The following EPM2A variants were observed in gnomAD, a reference collection of about 807,000 sequenced individuals.
EPM2A encodes the protein EPM2A glucan phosphatase, laforin, also known as laforin.
Under a neutral mutation model 26.5 loss-of-function variants are expected in EPM2A, and 21 were observed. The ratio of observed to expected loss-of-function variants is 0.79; its 90% CI spans 0.56 to 1.14. The LOEUF is 1.14. Among genes scored for constraint, EPM2A ranks in the 50% most tolerant of loss-of-function variants. The probability of loss-of-function intolerance (pLI) is 0.00; values close to 1 mark genes in which losing one functional copy is unlikely to be tolerated. For missense variants in EPM2A, 458 were observed against 440.8 expected (o/e 1.04, Z -0.35); for synonymous variants, 217 against 177.6 (o/e 1.22, Z -1.76).
intron 2 of EPM2A, among the ~76,000 whole-genome samples, chr6:145,563,249 C>A (rs1398020058): frequency 1.1e-4 from 16 of 151,366 alleles, no homozygotes; most frequent in Non-Finnish European, 1.5e-5. Flanking sequence ...AGGAGTGGGA[C>A]TTGAAGCTGT....
chr6:145,392,137 T>G (rs1480378670), intron 4 of EPM2A, among the ~76,000 whole-genome samples: 1 of 152,218 alleles, frequency 6.6e-6, no homozygotes, highest in Non-Finnish European at 1.5e-5. Flanking sequence ...AAAGCTTTGT[T>G]GGTCACAATG....
chr6:145,543,803 C>T (rs80220857), intron 2 of EPM2A, among the ~76,000 whole-genome samples: 12,177 of 151,996 alleles, frequency 0.08, 575 homozygotes, highest in East Asian at 0.17. Context: ...GGCCATTTTC[C>T]CCCTAGATTT....
At chr6:145,533,691 A>G (rs1289824083) in intron 2 of EPM2A, among the ~76,000 whole-genome samples, 1 of 152,122 alleles carries the variant, frequency 6.6e-6, no homozygotes, top group African/African-American at 2.4e-5. Context: ...ATCAGGTGTT[A>G]GTTCAAATGT....
chr6:145,490,088 AC>A, intron 4 of EPM2A: 4 of 1,281,688 alleles, frequency 3.1e-6, no homozygotes, highest in Non-Finnish European at 4.4e-6. Context: ...TAGCACACGC[AC>A]CTTCCCAATT....
In EPM2A at chr6:145,605,444, T is replaced by C. The variant is rs145483494; in HGVS notation, c.340+29801A>G. On this transcript the variant is annotated intron_variant, in intron 2 of 3. Coordinates refer to the EPM2A transcript ENST00000450221. ...CTGATGCTATAACACAACAGTGTAC[T>C]TCCAAGCTTAGGCTGTTCCATTATC... is the stretch of plus-strand genomic sequence containing the variant. Among the ~76,000 whole-genome samples, 654 of 152,274 alleles carry C rather than the reference T, an allele frequency of 4.3e-3. 5 individuals are homozygous for C. The highest frequency in any genetic ancestry group is 0.014 in the African/African-American group (565 of 41,568).
intron 1 of EPM2A, among the ~76,000 whole-genome samples, chr6:145,719,487 GGGGA>G (rs1775832396): frequency 1.4e-5 from 2 of 140,856 alleles, no homozygotes; most frequent in Admixed American, 7.1e-5. Flanking sequence ...TTGGGGGAGG[GGGGA>G]GGGATAGCAT....
chr6:145,558,551 G>A (rs1014107132), intron 2 of EPM2A, among the ~76,000 whole-genome samples: 2 of 152,026 alleles, frequency 1.3e-5, no homozygotes, highest in Non-Finnish European at 2.9e-5. Context: ...AACCAACAGT[G>A]TACAAGGGTT....
intron 3 of EPM2A, among the ~76,000 whole-genome samples, chr6:145,633,155 G>A (rs1357041837): frequency 1.3e-5 from 2 of 152,172 alleles, no homozygotes; most frequent in Non-Finnish European, 2.9e-5. Context: ...GGTAATCAGT[G>A]TGTGGGTTGG....
intron 4 of EPM2A, among the ~76,000 whole-genome samples, chr6:145,417,399 T>A (rs1778723392): frequency 6.6e-6 from 1 of 152,210 alleles, no homozygotes; most frequent in African/African-American, 2.4e-5. Context: ...GCAGTTGGTT[T>A]GTCACTTTTC....
In EPM2A at chr6:145,705,782, A is replaced by C. The variant is rs570449060; in HGVS notation, c.302-19486T>G. 825 of 437,426 alleles carry C rather than the reference A, an allele frequency of 1.9e-3. 7 individuals carry two copies. The highest frequency in any genetic ancestry group is 0.015 in the African/African-American group (739 of 49,576). 27.1% of individuals were successfully genotyped at this position (437,426 alleles called of 1,614,324 possible). On this transcript the variant is annotated intron_variant, in intron 1 of 3. Coordinates refer to ENST00000367519, the MANE Select transcript of EPM2A (RefSeq NM_005670.4). ...CCTCTCATATTTTACTGGCCAAAGC[A>C]AGCCACATAACAAAGATATACTTCT...
At chr6:145,576,126 G>A (rs1781027808) in intron 2 of EPM2A, among the ~76,000 whole-genome samples, 1 of 152,194 alleles carries the variant, frequency 6.6e-6, no homozygotes, top group African/African-American at 2.4e-5. Context: ...GTGAGCCACT[G>A]CGACCAGCCT....
At chr6:145,483,968 T>C (rs1173169070) in intron 4 of EPM2A, among the ~76,000 whole-genome samples, 1 of 152,166 alleles carries the variant, frequency 6.6e-6, no homozygotes, top group Non-Finnish European at 1.5e-5. Flanking sequence ...ATCTAACAAA[T>C]ATATCTTTCT....
chr6:145,676,526 G>A (rs1214650408), intron 2 of EPM2A, among the ~76,000 whole-genome samples: 1 of 151,912 alleles, frequency 6.6e-6, no homozygotes, highest in African/African-American at 2.4e-5. Flanking sequence ...TTGATAGGCT[G>A]CTAGCAAGAC....
At chr6:145,465,116 C>G (rs1358193281) in intron 4 of EPM2A, among the ~76,000 whole-genome samples, 4 of 152,036 alleles carry the variant, frequency 2.6e-5, no homozygotes, top group Non-Finnish European at 5.9e-5. Flanking sequence ...GTACACCAAT[C>G]AGACGTAGAT....
intron 2 of EPM2A, among the ~76,000 whole-genome samples, chr6:145,608,796 C>T (rs1775326055): frequency 6.6e-6 from 1 of 152,152 alleles, no homozygotes; most frequent in African/African-American, 2.4e-5. Context: ...CATCTAAGAG[C>T]CAGCTCCCAT....
intron 4 of EPM2A, among the ~76,000 whole-genome samples, chr6:145,442,516 T>C (rs1779077919): frequency 6.6e-6 from 1 of 151,548 alleles, no homozygotes; most frequent in Non-Finnish European, 1.5e-5. Context: ...AACCACCAGA[T>C]CTTGTGAGAC....
At chr6:145,731,031 A>C (rs1776457833) in intron 1 of EPM2A, among the ~76,000 whole-genome samples, 1 of 152,136 alleles carries the variant, frequency 6.6e-6, no homozygotes, top group South Asian at 2.1e-4. Context: ...ATTGGGTGAA[A>C]CAAATCCTGT....
At chr6:145,670,021 T>C (rs1779529071) in intron 2 of EPM2A, among the ~76,000 whole-genome samples, 1 of 152,184 alleles carries the variant, frequency 6.6e-6, no homozygotes, top group Non-Finnish European at 1.5e-5. Context: ...TTCTCTGCCT[T>C]CCTCCTAGGA....
At chr6:145,584,279 A>G (rs1781156802) in intron 2 of EPM2A, among the ~76,000 whole-genome samples, 1 of 152,056 alleles carries the variant, frequency 6.6e-6, no homozygotes, top group Non-Finnish European at 1.5e-5. Context: ...CTGCCAGCAA[A>G]GGAGGTATGA....
Sources: allele counts gnomAD v4.1 joint callset (sites outside exome capture counted in the v4.1 genomes callset), GRCh38; gene constraint gnomAD v4.1.1; transcripts MANE v1.5; gene names NCBI Gene and HGNC (gene_info 2026-07-23, HGNC 2026-07-21).